BICD2: variants seen among roughly 807,000 people sequenced by gnomAD.
BICD2 encodes BICD cargo adaptor 2.
A neutral mutation model predicts 72.9 loss-of-function variants in BICD2; 25 were observed. That is an observed-to-expected ratio of 0.34 (90% CI 0.25 to 0.48). The LOEUF (loss-of-function observed/expected upper bound fraction) is 0.48. BICD2 is among the 20% of genes least tolerant of loss of function. BICD2 has a pLI of 0.99. For synonymous variants in BICD2, 501 were observed against 516.1 expected, an observed-to-expected ratio of 0.97 and a Z score of 0.40; for missense variants, 894 against 1,175.2, an observed-to-expected ratio of 0.76 and a Z score of 3.50.
intron 1 of BICD2, among the ~76,000 whole-genome samples, chr9:92,745,320 G>A (rs1247577439): frequency 5.3e-5 from 8 of 152,136 alleles, no homozygotes; most frequent in Admixed American, 2.6e-4. Context: ...GTTGGGAGAT[G>A]GATGTGAGAT....
intron 1 of BICD2, among the ~76,000 whole-genome samples, chr9:92,758,469 T>A (rs977711501): frequency 2.0e-5 from 3 of 149,404 alleles, no homozygotes; most frequent in African/African-American, 7.4e-5. Flanking sequence ...TGAGAATCAC[T>A]TGAACTCGGG....
chr9:92,740,528 G>A (rs1853878976), intron 1 of BICD2, among the ~76,000 whole-genome samples: 1 of 151,948 alleles, frequency 6.6e-6, no homozygotes, highest in Non-Finnish European at 1.5e-5. Context: ...GTACTGTGCT[G>A]GGGCGGGGAG....
chr9:92,737,084 A>C (rs1302945685), intron 1 of BICD2, among the ~76,000 whole-genome samples: 1 of 151,644 alleles, frequency 6.6e-6, no homozygotes, highest in Non-Finnish European at 1.5e-5. Context: ...CCCCCATCTC[A>C]GGGAAGCACA....
intron 1 of BICD2, among the ~76,000 whole-genome samples, chr9:92,757,003 G>T (rs190494411): frequency 6.6e-6 from 1 of 152,292 alleles, no homozygotes; most frequent in African/African-American, 2.4e-5. Context: ...AGTGCAGTAT[G>T]AAAGGGGACA....
At chr9:92,728,048 C>T (rs1235138732) in intron 2 of BICD2, among the ~76,000 whole-genome samples, 3 of 152,212 alleles carry the variant, frequency 2.0e-5, no homozygotes, top group African/African-American at 4.8e-5. Context: ...CTCACTCAAC[C>T]TTCCCTGAGC....
Position 92,713,902 on chromosome 9 carries a change from G to A in BICD2, c.*1252C>T, listed in dbSNP as rs1223434577. The A allele has an allele frequency of 6.0e-6, 6 of 1,000,514 alleles. No individual in the cohort carries two copies. Among genetic ancestry groups the A allele is most frequent in the East Asian group, 2.1e-4 (2 of 9,600 alleles). The allele number at this position is 1,000,514 out of a possible 1,614,324, so 62.0% of individuals were successfully genotyped here. A position where few individuals can be genotyped will look rare whatever the true frequency, so the allele number is the denominator to read the frequency against. ...ACCAGGTAACTCGAATGCCTCTTCC[G>A]CATGAGAGACAAGGCAAGCAGCCTG... On this transcript the variant is annotated 3_prime_UTR_variant, in exon 7 of 7. Coordinates refer to ENST00000356884, the MANE Select transcript of BICD2 (RefSeq NM_001003800.2).
In BICD2 at chr9:92,720,875, G is replaced by A. The variant is rs1004623027; in HGVS notation, c.607-120C>T. Reference sequence around the variant, plus strand: ...GCCACTATGAAGCAAAAGATGAAGCGCCAGGTGAGGTGCCATCCTGGGAAG... The same window carrying A: ...GCCACTATGAAGCAAAAGATGAAGCACCAGGTGAGGTGCCATCCTGGGAAG... On this transcript the variant is annotated intron_variant, in intron 3 of 6. Coordinates refer to ENST00000356884, the MANE Select transcript of BICD2 (RefSeq NM_001003800.2). The surrounding 1 kb of genome is among the most constrained non-coding windows in gnomAD (Gnocchi z 5.4). 11 of 1,068,300 alleles carry A rather than the reference G, an allele frequency of 1.0e-5. No individual in the cohort carries two copies. Among genetic ancestry groups the A allele is most frequent in the Middle Eastern group, 4.6e-4 (2 of 4,388 alleles). The allele number at this position is 1,068,300 out of a possible 1,614,324, so 66.2% of individuals were successfully genotyped here.
rs548556897 is a variant in BICD2 at position 92,760,122 on chromosome 9, A to G, written c.240+4383T>C. On this transcript the variant is annotated intron_variant, in intron 1 of 6. Coordinates refer to ENST00000356884, the MANE Select transcript of BICD2 (RefSeq NM_001003800.2). ...TCCTGGGAGACCAGGCAGGGCCCAG[A>G]CTCCCCCTGTGGAGTCAGTATGGAG... Among the ~76,000 whole-genome samples, 13 of 151,870 alleles carry G rather than the reference A, an allele frequency of 8.6e-5. No homozygotes were observed. The South Asian group carries it at 2.7e-3, about 32-fold the overall frequency.
intron 1 of BICD2, among the ~76,000 whole-genome samples, chr9:92,738,019 C>T (rs564270964): frequency 6.6e-6 from 1 of 152,368 alleles, no homozygotes; most frequent in East Asian, 1.9e-4. Flanking sequence ...CCCCACTGTG[C>T]AAGAGGCACC....
intron 1 of BICD2, among the ~76,000 whole-genome samples, chr9:92,754,014 G>A (rs993052158): frequency 2.0e-5 from 3 of 151,766 alleles, no homozygotes; most frequent in Non-Finnish European, 4.4e-5. Context: ...GCATGGTGGC[G>A]GGTGCCTGTA....
In BICD2 at chr9:92,729,089, T is replaced by C; in HGVS notation, c.388A>G (p.Asn130Asp). 1 of 1,614,194 alleles carries C rather than the reference T, an allele frequency of 6.2e-7. No individual in the cohort carries two copies. Among genetic ancestry groups the C allele is most frequent in the Non-Finnish European group, 8.5e-7 (1 of 1,180,042 alleles). ...ELQTELKQLR[N>D]VLTNTQSENE... ...TCCGACTGCGTGTTGGTGAGGACAT[T>C]GCGCAACTGCTTCAGCTCCGTCTGC... The change falls in exon 2 of 7, where the codon AAT (asparagine) becomes GAT (aspartate). Residue 130 changes from asparagine (N) to aspartate (D), a missense_variant. Coordinates refer to ENST00000356884, the MANE Select transcript of BICD2 (RefSeq NM_001003800.2).
intron 1 of BICD2, among the ~76,000 whole-genome samples, chr9:92,734,143 G>C (rs961703966): frequency 2.6e-5 from 4 of 152,208 alleles, no homozygotes; most frequent in African/African-American, 9.6e-5. Flanking sequence ...ACACACAAAA[G>C]AGTATATGTT....
At chr9:92,716,072 T>A (rs1422444215) in intron 6 of BICD2, among the ~76,000 whole-genome samples, 9 of 152,252 alleles carry the variant, frequency 5.9e-5, no homozygotes, top group African/African-American at 1.9e-4. Context: ...TTCTTCCACA[T>A]GTCCCATATG....
intron 1 of BICD2, among the ~76,000 whole-genome samples, chr9:92,736,985 T>G (rs563503702): frequency 6.6e-6 from 1 of 152,218 alleles, no homozygotes; most frequent in Admixed American, 6.5e-5. Flanking sequence ...ATGAGCCCAG[T>G]GCCCCACCCC....
chr9:92,722,317 G>T (rs1853479446), intron 3 of BICD2, among the ~76,000 whole-genome samples: 1 of 152,188 alleles, frequency 6.6e-6, no homozygotes, highest in Admixed American at 6.5e-5. Context: ...AATATTGCAG[G>T]CCTCATGGTC....
At position 92,720,195 on chromosome 9, in the gene BICD2, G is replaced by A. The variant is rs1173855087; in HGVS notation, c.1062+105C>T. On this transcript the variant is annotated intron_variant, in intron 4 of 6. Coordinates refer to ENST00000356884, the MANE Select transcript of BICD2 (RefSeq NM_001003800.2). The surrounding 1 kb of genome is among the most constrained non-coding windows in gnomAD (Gnocchi z 5.4). ...ATGCAGGAGATAAAATCAACGTAAGGAAAAGGGAAAGTTAACATCAGCAGA... is the reference window on the plus strand; with the variant it reads ...ATGCAGGAGATAAAATCAACGTAAGAAAAAGGGAAAGTTAACATCAGCAGA... 6 of 1,162,096 alleles carry A rather than the reference G, an allele frequency of 5.2e-6. No individual in the cohort carries two copies. The highest frequency in any genetic ancestry group is 4.7e-5 in the South Asian group (3 of 63,292). The allele number at this position is 1,162,096 out of a possible 1,614,324, so 72.0% of individuals were successfully genotyped here. A position where few individuals can be genotyped will look rare whatever the true frequency, so the allele number is the denominator to read the frequency against.
chr9:92,740,452 C>T (rs149530607), intron 1 of BICD2, among the ~76,000 whole-genome samples: 63 of 151,578 alleles, frequency 4.2e-4, no homozygotes, highest in African/African-American at 1.4e-3. Context: ...AACAAAACAA[C>T]GGGAAATCAA....
rs979523180 is a variant in BICD2 at position 92,764,538 on chromosome 9, C to A, written c.207G>T (p.Glu69Asp). ...GCTGCTCCATCTCGCTGCGGATAGC[C>A]TCATAGTCCACCTCGAGCTCCTCGA... ...LQFEELEVDY[E>D]AIRSEMEQLK... Residue 69 changes from glutamate to aspartate, a missense_variant, in exon 1 of 7, where the codon GAG (glutamate) becomes GAT (aspartate). Around this residue, in one of 5 missense-constraint regions of BICD2, gnomAD observed 192 missense variants for 243.6 expected, o/e 0.79. Coordinates refer to ENST00000356884, the MANE Select transcript of BICD2 (RefSeq NM_001003800.2). This position sits in a 1 kb window ranked among gnomAD's most constrained non-coding sequence, Gnocchi z 5.5. The A allele has an allele frequency of 6.5e-7, 1 of 1,543,668 alleles. No individual in the cohort carries two copies. Among genetic ancestry groups the A allele is most frequent in the Admixed American group, 2.0e-5 (1 of 49,736 alleles).
intron 1 of BICD2, among the ~76,000 whole-genome samples, chr9:92,760,036 C>G (rs978707669): frequency 6.6e-6 from 1 of 152,190 alleles, no homozygotes; most frequent in African/African-American, 2.4e-5. Context: ...GCCAAGGTAA[C>G]AGGCATCATC....
Sources: gnomAD v4.1 joint callset for allele counts (sites outside exome capture counted in the v4.1 genomes callset) on GRCh38, gnomAD v4.1.1 for gene constraint, gnomAD v4.1.1 regional missense constraint, Gnocchi (gnomAD v3.1) non-coding constraint, MANE v1.5 for transcripts, NCBI Gene and HGNC (gene_info 2026-07-23, HGNC 2026-07-21) for gene names.